TNNI3K: variants seen among roughly 807,000 people sequenced by gnomAD.
TNNI3K encodes serine/threonine-protein kinase TNNI3K.
TNNI3K carries 140 observed loss-of-function variants against 114.5 expected under a neutral mutation model. The observed-to-expected ratio is 1.22, with a 90% confidence interval of 1.07 to 1.41. The LOEUF (loss-of-function observed/expected upper bound fraction) is 1.41, where lower values mean the gene tolerates loss of function less well. Among genes scored for constraint, TNNI3K ranks in the 40% most tolerant of loss-of-function variants. The pLI, the probability that TNNI3K is intolerant of heterozygous loss-of-function variation, is 0.00. For missense variants in TNNI3K, 1,125 were observed against 1,007.6 expected (o/e 1.12, Z -1.58); for synonymous variants, 347 against 347.5 (o/e 1.00, Z 0.02).
At chr1:74,490,708 G>A (rs993965961) in intron 22 of TNNI3K, among the ~76,000 whole-genome samples, 2 of 152,130 alleles carry the variant, frequency 1.3e-5, no homozygotes, top group Admixed American at 6.5e-5. Context: ...TTCAGTCAAC[G>A]GTTTAGATCA....
chr1:74,431,853 C>T (rs1250430258), intron 17 of TNNI3K, among the ~76,000 whole-genome samples: 1 of 152,104 alleles, frequency 6.6e-6, no homozygotes, highest in Non-Finnish European at 1.5e-5. Flanking sequence ...TAGCAAACAG[C>T]ATGGAGTATA....
chr1:74,271,302 C>T (rs372729778), intron 4 of TNNI3K, among the ~76,000 whole-genome samples: 107 of 151,934 alleles, frequency 7.0e-4, no homozygotes, highest in East Asian at 6.6e-3. Flanking sequence ...GAGTAACCTA[C>T]CTGTAAAACT....
chr1:74,505,717 G>A (rs1339704582), intron 23 of TNNI3K, among the ~76,000 whole-genome samples: 3 of 152,060 alleles, frequency 2.0e-5, no homozygotes, highest in Non-Finnish European at 4.4e-5. Flanking sequence ...TATCTCCTTG[G>A]AACCTATGAG....
intron 23 of TNNI3K, among the ~76,000 whole-genome samples, chr1:74,497,825 T>G (rs1485208467): frequency 1.3e-5 from 2 of 152,192 alleles, no homozygotes; most frequent in African/African-American, 4.8e-5. Context: ...CCATTGCTTC[T>G]AAAATTAAGT....
At position 74,409,304 on chromosome 1, in the gene TNNI3K, C is replaced by G. The variant is rs368339399; in HGVS notation, c.1773-26776C>G. Among the ~76,000 whole-genome samples the G allele has an allele frequency of 1.3e-4, 20 of 152,152 alleles. No individual in the cohort carries two copies. The South Asian group carries it at 3.9e-3, about 30-fold the overall frequency. On this transcript the variant is annotated intron_variant, in intron 17 of 24. Coordinates refer to ENST00000326637, the MANE Select transcript of TNNI3K (RefSeq NM_015978.3). ...CCCGCTGTTATGACAAAGAGCCATC[C>G]AAATCTCCTTACTCAATAAGCAGTG... is the stretch of plus-strand genomic sequence containing the variant.
intron 17 of TNNI3K, among the ~76,000 whole-genome samples, chr1:74,423,605 G>T (rs1191767277): frequency 6.6e-6 from 1 of 152,124 alleles, no homozygotes; most frequent in Non-Finnish European, 1.5e-5. Context: ...GAGACTAAAT[G>T]AGATGAGGCA....
At chr1:74,466,948 T>C (rs1667704473) in intron 21 of TNNI3K, among the ~76,000 whole-genome samples, 1 of 152,184 alleles carries the variant, frequency 6.6e-6, no homozygotes, top group African/African-American at 2.4e-5. Context: ...TTTTAATGAT[T>C]CTATAGTTAA....
chr1:74,522,370 A>C (rs1194986672), intron 23 of TNNI3K, among the ~76,000 whole-genome samples: 1 of 152,156 alleles, frequency 6.6e-6, no homozygotes, highest in Non-Finnish European at 1.5e-5. Flanking sequence ...GGGAACCTGC[A>C]GCAGCTCAGA....
chr1:74,535,813 C>T (rs1005714922), intron 23 of TNNI3K, among the ~76,000 whole-genome samples: 26 of 152,174 alleles, frequency 1.7e-4, no homozygotes, highest in African/African-American at 6.3e-4. Flanking sequence ...CAGTCAGTCA[C>T]AATTGAATCT....
intron 23 of TNNI3K, among the ~76,000 whole-genome samples, chr1:74,513,010 C>G (rs1211625894): frequency 6.6e-6 from 1 of 152,168 alleles, no homozygotes; most frequent in African/African-American, 2.4e-5. Flanking sequence ...TGATAAGACA[C>G]TTAAAGAGGA....
At chr1:74,414,846 T>G (rs933078025) in intron 17 of TNNI3K, among the ~76,000 whole-genome samples, 4 of 152,180 alleles carry the variant, frequency 2.6e-5, no homozygotes, top group African/African-American at 9.6e-5. Flanking sequence ...AATTCCTGAT[T>G]CATCTCTCTG....
chr1:74,437,898 A>G (rs1414804391), intron 19 of TNNI3K, among the ~76,000 whole-genome samples: 3 of 151,864 alleles, frequency 2.0e-5, no homozygotes, highest in African/African-American at 4.8e-5. Flanking sequence ...ATTCCCCCAC[A>G]TAATTCTAAA....
intron 17 of TNNI3K, among the ~76,000 whole-genome samples, chr1:74,398,061 AAC>A (rs1664178596): frequency 6.6e-6 from 1 of 152,254 alleles, no homozygotes; most frequent in Non-Finnish European, 1.5e-5. Flanking sequence ...CAGCAGAGGT[AAC>A]CACAGTTCAT....
intron 20 of TNNI3K, among the ~76,000 whole-genome samples, chr1:74,441,320 A>G (rs1386156679): frequency 1.3e-5 from 2 of 152,154 alleles, no homozygotes; most frequent in Non-Finnish European, 2.9e-5. Flanking sequence ...TACCAATGTC[A>G]TATAAATGGA....
chr1:74,245,358 A>G (rs1426989378), intron 2 of TNNI3K, among the ~76,000 whole-genome samples: 1 of 152,180 alleles, frequency 6.6e-6, no homozygotes, highest in Non-Finnish European at 1.5e-5. Context: ...AACAAAGACC[A>G]TTGCCCCAGG....
chr1:74,468,149 G>C (rs1292209615), intron 21 of TNNI3K: 1 of 152,144 alleles, frequency 6.6e-6, no homozygotes, highest in Non-Finnish European at 1.5e-5. Context: ...CTGAGAGTCA[G>C]TTAGTGACCA....
intron 5 of TNNI3K, among the ~76,000 whole-genome samples, chr1:74,276,214 C>T (rs935243842): frequency 6.6e-5 from 10 of 151,950 alleles, no homozygotes; most frequent in Admixed American, 3.3e-4. Flanking sequence ...AACATACAAA[C>T]GGCATTTAAT....
chr1:74,403,800 A>G (rs888223429), intron 17 of TNNI3K, among the ~76,000 whole-genome samples: 1 of 152,188 alleles, frequency 6.6e-6, no homozygotes, highest in African/African-American at 2.4e-5. Flanking sequence ...TTAATGAGAA[A>G]CATAGTTGAA....
chr1:74,269,315 G>A (rs1043857366), intron 4 of TNNI3K, among the ~76,000 whole-genome samples: 1 of 151,832 alleles, frequency 6.6e-6, no homozygotes, highest in Non-Finnish European at 1.5e-5. Flanking sequence ...TGAGAGCAGC[G>A]ATTTCACTAT....
Sources: allele counts gnomAD v4.1 joint callset (sites outside exome capture counted in the v4.1 genomes callset), GRCh38; gene constraint gnomAD v4.1.1; transcripts MANE v1.5; gene names NCBI Gene and HGNC (gene_info 2026-07-23, HGNC 2026-07-21).